CENPP: variants seen among roughly 807,000 people sequenced by gnomAD.
CENPP encodes centromere protein P.
In CENPP, 24 loss-of-function variants were observed where a neutral mutation model predicts 35.6. The observed-to-expected ratio is 0.67, with a 90% CI of 0.49 to 0.95. The LOEUF is 0.95. Ranked by LOEUF, CENPP falls within the 40% of genes least tolerant of loss-of-function variation. The pLI is 0.00. For missense variants in CENPP, 332 were observed against 345.3 expected (o/e 0.96, Z 0.31); for synonymous variants, 120 against 125.5 (o/e 0.96, Z 0.29).
At chr9:92,537,156 ATGAGCCACCGCACCTGGCC>A (rs1849201125) in intron 5 of CENPP, among the ~76,000 whole-genome samples, 1 of 151,552 alleles carries the variant, frequency 6.6e-6, no homozygotes, top group Non-Finnish European at 1.5e-5. Flanking sequence ...GATTACAGGC[ATGAGCCACCGCACCTGGCC>A]TGAAATTCTT....
chr9:92,359,085 G>T (rs573164667), intron 4 of CENPP, among the ~76,000 whole-genome samples: 4 of 151,968 alleles, frequency 2.6e-5, no homozygotes, highest in Non-Finnish European at 5.9e-5. Context: ...AAGTAGCTAG[G>T]ATTAAAGGCA....
chr9:92,564,302 T>A (rs919357648), intron 5 of CENPP, among the ~76,000 whole-genome samples: 3 of 151,386 alleles, frequency 2.0e-5, no homozygotes, highest in Non-Finnish European at 2.9e-5. Flanking sequence ...GGCACAAGAA[T>A]CACTTGAGCC....
intron 5 of CENPP, chr9:92,482,264 G>A (rs1845938728): frequency 6.6e-6 from 1 of 151,942 alleles, no homozygotes. Flanking sequence ...AGTATACATC[G>A]ATACTTGTAA....
chr9:92,362,349 G>A (rs1004444891), intron 4 of CENPP, among the ~76,000 whole-genome samples: 1 of 152,180 alleles, frequency 6.6e-6, no homozygotes, highest in Non-Finnish European at 1.5e-5. Context: ...CTGGGCCACA[G>A]GGCAAGATTT....
At chr9:92,513,561 G>A (rs1369582449) in intron 5 of CENPP, among the ~76,000 whole-genome samples, 2 of 152,170 alleles carry the variant, frequency 1.3e-5, no homozygotes, top group African/African-American at 4.8e-5. Context: ...ACGTTTAACT[G>A]ATAGGAAACC....
At chr9:92,470,557 ATTC>A in intron 5 of CENPP, 1 of 562,562 alleles carries the variant, frequency 1.8e-6, no homozygotes, top group Non-Finnish European at 2.9e-6. Context: ...GATTTTTGTC[ATTC>A]TTTACAGAAA....
intron 5 of CENPP, among the ~76,000 whole-genome samples, chr9:92,415,674 A>G (rs1843570523): frequency 1.3e-5 from 2 of 150,444 alleles, no homozygotes; most frequent in African/African-American, 4.8e-5. Flanking sequence ...TTAACAAAAT[A>G]TATATGGCTT....
intron 5 of CENPP, among the ~76,000 whole-genome samples, chr9:92,607,627 G>A (rs932161298): frequency 1.3e-5 from 2 of 152,124 alleles, no homozygotes; most frequent in African/African-American, 4.8e-5. Context: ...TAATTTTTGG[G>A]AAAATATTAG....
intron 5 of CENPP, among the ~76,000 whole-genome samples, chr9:92,552,139 A>G (rs549410575): frequency 6.9e-6 from 1 of 145,044 alleles, no homozygotes; most frequent in East Asian, 2.0e-4. Flanking sequence ...TATCATATAT[A>G]TGTGATATGA....
chr9:92,578,933 G>C (rs1325570510), intron 5 of CENPP, among the ~76,000 whole-genome samples: 1 of 152,134 alleles, frequency 6.6e-6, no homozygotes, highest in Non-Finnish European at 1.5e-5. Context: ...TATGGTTTTA[G>C]GTCTAACGTT....
At chr9:92,560,473 A>G (rs1213004200) in intron 5 of CENPP, among the ~76,000 whole-genome samples, 2 of 152,196 alleles carry the variant, frequency 1.3e-5, no homozygotes, top group Non-Finnish European at 2.9e-5. Context: ...TAAACTATCT[A>G]GCATTACATT....
At chr9:92,553,304 G>C (rs1849653128) in intron 5 of CENPP, among the ~76,000 whole-genome samples, 1 of 152,064 alleles carries the variant, frequency 6.6e-6, no homozygotes, top group African/African-American at 2.4e-5. Context: ...TGCTGTTTTG[G>C]TGACTGTGGC....
chr9:92,610,325 A>AT (rs2131398877), intron 5 of CENPP, among the ~76,000 whole-genome samples: 1 of 152,290 alleles, frequency 6.6e-6, no homozygotes, highest in South Asian at 2.1e-4. Flanking sequence ...AAGTGCTGGG[A>AT]TTACAGGCAT....
At position 92,618,788 on chromosome 9, in the gene CENPP, G is replaced by A. The variant is rs537279880; in HGVS notation, c.*5639G>A. 4.0e-5 allele frequency: 14 copies of A among 353,136 alleles called. No individual in the cohort carries two copies. The highest frequency in any genetic ancestry group is 1.5e-4 in the East Asian group (2 of 13,478). The allele number at this position is 353,136 out of a possible 1,614,324, so 21.9% of individuals were successfully genotyped here. A position where few individuals can be genotyped will look rare whatever the true frequency, so the allele number is the denominator to read the frequency against. On this transcript the variant is annotated 3_prime_UTR_variant, in exon 8 of 8. Coordinates refer to ENST00000375587, the MANE Select transcript of CENPP (RefSeq NM_001012267.3). ...GGGAACTGTTTAGTTCAAAAGCACC[G>A]GGAAAGTGAGTGGCTGGCAGCCAGC...
rs1429749085 is a variant in CENPP, at chr9:92,618,327, T to C, written c.*5178T>C. On this transcript the variant is annotated 3_prime_UTR_variant, in exon 8 of 8. Coordinates refer to ENST00000375587, the MANE Select transcript of CENPP (RefSeq NM_001012267.3). The stretch of plus-strand genomic sequence containing the variant: ...CCTCCCCTCCTAGTGTCGTTTCTGC[T>C]GAGCAGCTGGTCGTAAGGACCCGGG... 4.4e-6 allele frequency: 2 copies of C among 456,732 alleles called. No homozygotes were observed. Among genetic ancestry groups the C allele is most frequent in the Admixed American group, 4.7e-5 (2 of 42,586 alleles). 28.3% of individuals were successfully genotyped at this position (456,732 alleles called of 1,614,324 possible). A position where few individuals can be genotyped will look rare whatever the true frequency, so the allele number is the denominator to read the frequency against.
intron 5 of CENPP, among the ~76,000 whole-genome samples, chr9:92,471,590 A>G (rs781193144): frequency 1.2e-4 from 18 of 150,550 alleles, no homozygotes; most frequent in Non-Finnish European, 2.1e-4. Context: ...TTTACCACCC[A>G]TTTCCTTTAA....
intron 4 of CENPP, among the ~76,000 whole-genome samples, chr9:92,352,505 G>GTATAAATATATATATATATATATA: frequency 2.0e-5 from 1 of 49,766 alleles, no homozygotes; most frequent in Admixed American, 2.4e-4. Context: ...GTGTGTGTGT[G>GTATAAATATATATATATATATATA]TATACATATA....
At chr9:92,456,623 TA>T (rs397950642) in intron 5 of CENPP, 199 of 143,364 alleles carry the variant, frequency 1.4e-3, no homozygotes, top group Middle Eastern at 3.5e-3. Context: ...AGGTAATAAT[TA>T]AAAAAAAAAA....
At chr9:92,352,536 T>TATATATATATATATATAA in intron 4 of CENPP, among the ~76,000 whole-genome samples, 3 of 121,794 alleles carry the variant, frequency 2.5e-5, no homozygotes, top group Admixed American at 1.7e-4. Context: ...TATATATATA[T>TATATATATATATATATAA]ATAATATAAC....
Sources: allele counts gnomAD v4.1 joint callset (sites outside exome capture counted in the v4.1 genomes callset), GRCh38; gene constraint gnomAD v4.1.1; transcripts MANE v1.5; gene names NCBI Gene and HGNC (gene_info 2026-07-23, HGNC 2026-07-21).